The following COX7B2 variants were observed in gnomAD, a reference collection of about 807,000 sequenced individuals.
COX7B2 encodes cytochrome c oxidase subunit 7B2, mitochondrial.
For synonymous variants in COX7B2, 37 were observed against 32.1 expected, an observed-to-expected ratio of 1.15 and a Z score of -0.51; for missense variants, 109 against 95.9, an observed-to-expected ratio of 1.14 and a Z score of -0.57.
chr4:46,855,223 A>G (rs1190616186), intron 1 of COX7B2, among the ~76,000 whole-genome samples: 1 of 152,138 alleles, frequency 6.6e-6, no homozygotes, highest in South Asian at 2.1e-4. Flanking sequence ...GCTACTCAGG[A>G]GGCTGAAGCA....
At chr4:46,844,227 G>A (rs1026412694) in intron 2 of COX7B2, among the ~76,000 whole-genome samples, 2 of 151,760 alleles carry the variant, frequency 1.3e-5, no homozygotes, top group Non-Finnish European at 2.9e-5. Context: ...AAATTTTATC[G>A]CAATATATAA....
chr4:46,878,020 TAC>T (rs58928264), intron 1 of COX7B2, among the ~76,000 whole-genome samples: 1,667 of 147,478 alleles, frequency 0.011, 26 homozygotes, highest in African/African-American at 0.039. Flanking sequence ...TTGTAGTGCA[TAC>T]ACACACACAC....
intron 2 of COX7B2, among the ~76,000 whole-genome samples, chr4:46,762,989 T>G (rs1403715150): frequency 8.7e-6 from 1 of 114,332 alleles, no homozygotes; most frequent in African/African-American, 3.4e-5. Flanking sequence ...ATATATGTAA[T>G]ATGTATATTA....
At chr4:46,839,022 TTA>T (rs1715745780) in intron 2 of COX7B2, among the ~76,000 whole-genome samples, 2 of 152,008 alleles carry the variant, frequency 1.3e-5, no homozygotes, top group South Asian at 4.1e-4. Context: ...ATTATAATTT[TTA>T]TGTTTTATTT....
chr4:46,875,582 A>C (rs1420348414), intron 1 of COX7B2, among the ~76,000 whole-genome samples: 1 of 152,066 alleles, frequency 6.6e-6, no homozygotes, highest in Non-Finnish European at 1.5e-5. Context: ...GTGCAAGTTC[A>C]TACCGTGGTT....
intron 2 of COX7B2, among the ~76,000 whole-genome samples, chr4:46,754,718 GTGTGTGTGTGTATATA>G: frequency 2.8e-5 from 1 of 35,092 alleles, no homozygotes; most frequent in African/African-American, 1.6e-4. Context: ...GTGTGTGTGT[GTGTGTGTGTGTATATA>G]TATATATATA....
chr4:46,788,960 C>CT (rs1717895550), intron 2 of COX7B2, among the ~76,000 whole-genome samples: 1 of 152,140 alleles, frequency 6.6e-6, no homozygotes, highest in Non-Finnish European at 1.5e-5. Context: ...CTCACTCGGC[C>CT]TGTTTCCTAA....
At chr4:46,868,043 T>C (rs1717776428) in intron 1 of COX7B2, among the ~76,000 whole-genome samples, 1 of 152,160 alleles carries the variant, frequency 6.6e-6, no homozygotes, top group Admixed American at 6.5e-5. Flanking sequence ...TTATTACTTA[T>C]TCAATTTCAG....
intron 2 of COX7B2, among the ~76,000 whole-genome samples, chr4:46,841,757 T>A (rs914094665): frequency 6.6e-6 from 1 of 151,992 alleles, no homozygotes; most frequent in Non-Finnish European, 1.5e-5. Flanking sequence ...TCACGCTGCA[T>A]TTCTGTGATG....
At chr4:46,824,686 A>G (rs1365559562) in intron 2 of COX7B2, among the ~76,000 whole-genome samples, 1 of 150,860 alleles carries the variant, frequency 6.6e-6, no homozygotes, top group Non-Finnish European at 1.5e-5. Flanking sequence ...ATTCACCATT[A>G]TCAAGTAGGC....
At chr4:46,758,708 G>T (rs769218940) in intron 2 of COX7B2, among the ~76,000 whole-genome samples, 1 of 152,136 alleles carries the variant, frequency 6.6e-6, no homozygotes, top group Non-Finnish European at 1.5e-5. Context: ...TGAACCCAAA[G>T]AAATAAGCAT....
intron 1 of COX7B2, among the ~76,000 whole-genome samples, chr4:46,882,557 T>G (rs956880019): frequency 3.3e-5 from 5 of 152,204 alleles, no homozygotes; most frequent in African/African-American, 1.2e-4. Flanking sequence ...TGCCTTTCTT[T>G]GTCTTTTTTA....
chr4:46,766,482 T>G (rs1342138410), intron 2 of COX7B2, among the ~76,000 whole-genome samples: 1 of 152,000 alleles, frequency 6.6e-6, no homozygotes, highest in Non-Finnish European at 1.5e-5. Context: ...GGTGGATCAC[T>G]TGAGCTCAGG....
intron 2 of COX7B2, among the ~76,000 whole-genome samples, chr4:46,817,927 C>T (rs886952632): frequency 3.3e-5 from 5 of 152,184 alleles, no homozygotes; most frequent in Non-Finnish European, 7.3e-5. Flanking sequence ...TTTGAACCTA[C>T]GCATTTCTCA....
chr4:46,796,360 A>G lies in COX7B2; in HGVS notation c.-50+48600T>C, dbSNP rs547225787. On this transcript the variant is annotated intron_variant, in intron 2 of 2. Transcript: ENST00000355591. ...GAAGAAATGCTCATCATCACTGGCC[A>G]TCAGAGAAATGCAAATCAAAACCAC... is the stretch of plus-strand genomic sequence containing the variant. Among the ~76,000 whole-genome samples, 2 of 149,084 alleles carry G rather than the reference A, an allele frequency of 1.3e-5. 1 individual carries two copies. Among genetic ancestry groups the G allele is most frequent in the South Asian group, 4.2e-4 (2 of 4,782 alleles).
chr4:46,882,083 T>C (rs891593475), intron 1 of COX7B2, among the ~76,000 whole-genome samples: 1 of 152,236 alleles, frequency 6.6e-6, no homozygotes, highest in Non-Finnish European at 1.5e-5. Context: ...TATTGTTTAA[T>C]TTCCATGTAA....
intron 2 of COX7B2, among the ~76,000 whole-genome samples, chr4:46,820,972 CA>C (rs1714244114): frequency 6.6e-6 from 1 of 151,922 alleles, no homozygotes; most frequent in Non-Finnish European, 1.5e-5. Flanking sequence ...AGAATTACTA[CA>C]GTCGAAACCT....
intron 1 of COX7B2, among the ~76,000 whole-genome samples, chr4:46,892,935 A>G (rs1289868614): frequency 1.3e-5 from 2 of 152,156 alleles, no homozygotes. Flanking sequence ...TGGTTTTAAA[A>G]GGGGCTTCCC....
intron 2 of COX7B2, among the ~76,000 whole-genome samples, chr4:46,823,802 A>G (rs1346173723): frequency 6.6e-6 from 1 of 151,842 alleles, no homozygotes; most frequent in Non-Finnish European, 1.5e-5. Context: ...GACAAAAATC[A>G]AAGAAGCAAA....
Sources: gnomAD v4.1 joint callset for allele counts (sites outside exome capture counted in the v4.1 genomes callset) on GRCh38, gnomAD v4.1.1 for gene constraint, MANE v1.5 for transcripts, NCBI Gene and HGNC (gene_info 2026-07-23, HGNC 2026-07-21) for gene names.